The following MCUB variants were observed in gnomAD, a reference collection of about 807,000 sequenced individuals.
MCUB encodes mitochondrial calcium uniporter dominant negative subunit beta, also known as calcium uniporter regulatory subunit MCUb, mitochondrial.
Under a neutral mutation model 41.4 loss-of-function variants are expected in MCUB, and 46 were observed. The observed-to-expected ratio is 1.11, with a 90% CI of 0.88 to 1.42. The LOEUF is 1.42. Ranked by LOEUF, MCUB falls within the 40% of genes most tolerant of loss-of-function variation. The pLI is 0.00. For synonymous variants in MCUB, 148 were observed against 148.2 expected (o/e 1.00, Z 0.01); for missense variants, 403 against 404.9 (o/e 1.00, Z 0.04).
chr4:109,566,390 A>G (rs1404068512), intron 1 of MCUB, among the ~76,000 whole-genome samples: 1 of 151,318 alleles, frequency 6.6e-6, no homozygotes, highest in Non-Finnish European at 1.5e-5. Context: ...GAATGACATG[A>G]ACCCGGGAGG....
intron 5 of MCUB, among the ~76,000 whole-genome samples, chr4:109,684,055 TTCC>T (rs1031688508): frequency 4.0e-5 from 6 of 149,608 alleles, no homozygotes; most frequent in Non-Finnish European, 7.4e-5. Flanking sequence ...TGTTCAAGAG[TTCC>T]TCTTTTCTTT....
At chr4:109,561,599 T>A (rs1579038190) in intron 1 of MCUB, among the ~76,000 whole-genome samples, 1 of 152,226 alleles carries the variant, frequency 6.6e-6, no homozygotes, top group Admixed American at 6.5e-5. Context: ...GGTAGACTTA[T>A]AAAGTCATTG....
At chr4:109,679,510 G>A (rs1372755498) in intron 4 of MCUB, among the ~76,000 whole-genome samples, 1 of 152,160 alleles carries the variant, frequency 6.6e-6, no homozygotes, top group East Asian at 1.9e-4. Flanking sequence ...GTCAGGAGTG[G>A]CAGCACGTGC....
At chr4:109,563,979 C>T (rs1235209871) in intron 1 of MCUB, among the ~76,000 whole-genome samples, 2 of 152,174 alleles carry the variant, frequency 1.3e-5, no homozygotes, top group Non-Finnish European at 2.9e-5. Context: ...TCAGGAAGAA[C>T]TCATATTTGT....
chr4:109,666,443 A>G (rs116560841), intron 4 of MCUB, among the ~76,000 whole-genome samples: 3,822 of 152,272 alleles, frequency 0.025, 143 homozygotes, highest in African/African-American at 0.088. Flanking sequence ...CTGTTGCCCC[A>G]TATCCTTGCC....
intron 1 of MCUB, among the ~76,000 whole-genome samples, chr4:109,600,135 T>C (rs926774556): frequency 2.6e-5 from 4 of 152,220 alleles, no homozygotes; most frequent in Admixed American, 2.6e-4. Flanking sequence ...CTGTTGGAAA[T>C]ATAGGTTTTT....
intron 1 of MCUB, among the ~76,000 whole-genome samples, chr4:109,639,610 C>G (rs918529750): frequency 6.6e-6 from 1 of 152,110 alleles, no homozygotes; most frequent in Non-Finnish European, 1.5e-5. Flanking sequence ...TCGCTTGAAC[C>G]TGGGAGGTAG....
Position 109,603,865 on chromosome 4 carries a change from C to T in MCUB, c.99+43429C>T, listed in dbSNP as rs927214370. On this transcript the variant is annotated intron_variant, in intron 1 of 7. Transcript: ENST00000394650. The stretch of plus-strand genomic sequence containing the variant: ...GAAGTGAGGAGCCTCTCTGCCCGGC[C>T]GCCACCCCGTCTGGGAGGTGTACCC... Among the ~76,000 whole-genome samples, 6 of 152,152 alleles carry T rather than the reference C, an allele frequency of 3.9e-5. No homozygotes were observed. In the East Asian group the frequency reaches 5.8e-4, roughly 15 times the overall value.
chr4:109,673,815 C>A (rs755972735), intron 4 of MCUB: 2 of 709,954 alleles, frequency 2.8e-6, no homozygotes, highest in South Asian at 1.6e-5. Flanking sequence ...GGTTTTTTCG[C>A]TCTAGGGAGA....
chr4:109,674,539 T>A (rs879589858), intron 4 of MCUB, among the ~76,000 whole-genome samples: 2 of 152,242 alleles, frequency 1.3e-5, no homozygotes, highest in Admixed American at 1.3e-4. Context: ...GCGTGTTTTG[T>A]GGACTGGCTG....
At chr4:109,619,355 A>G (rs1431010598) in intron 1 of MCUB, among the ~76,000 whole-genome samples, 1 of 152,026 alleles carries the variant, frequency 6.6e-6, no homozygotes, top group Non-Finnish European at 1.5e-5. Flanking sequence ...CTGGGAATAC[A>G]GGTGTGAGCC....
At chr4:109,621,818 T>TA (rs368383834) in intron 1 of MCUB, among the ~76,000 whole-genome samples, 61 of 152,326 alleles carry the variant, frequency 4.0e-4, no homozygotes, top group African/African-American at 1.4e-3. Context: ...CTAGTGTACT[T>TA]ACACCTCTGT....
At chr4:109,568,441 C>T (rs1726832379) in intron 1 of MCUB, among the ~76,000 whole-genome samples, 1 of 152,150 alleles carries the variant, frequency 6.6e-6, no homozygotes, top group South Asian at 2.1e-4. Context: ...GCTAATTCCT[C>T]TTCTTCTTGT....
rs925264996 is a variant in MCUB at position 109,583,194 on chromosome 4, G to T, written c.99+22758G>T. ...ATGATACTGATTCTTCCTATCCATG[G>T]GCATGGAATATTCTTCCATTTGTTT... On this transcript the variant is annotated intron_variant, in intron 1 of 7. Coordinates refer to ENST00000394650, the MANE Select transcript of MCUB (RefSeq NM_017918.5). Among the ~76,000 whole-genome samples, 9 of 152,068 alleles carry T rather than the reference G, an allele frequency of 5.9e-5. No individual in the cohort carries two copies. In the East Asian group the frequency reaches 1.7e-3, roughly 29 times the overall value.
At chr4:109,598,628 G>GA (rs1232794100) in intron 1 of MCUB, among the ~76,000 whole-genome samples, 1 of 152,014 alleles carries the variant, frequency 6.6e-6, no homozygotes, top group Non-Finnish European at 1.5e-5. Flanking sequence ...GGGAGAGGGA[G>GA]AGGGAGAGGG....
At chr4:109,635,162 A>G (rs1015902984) in intron 1 of MCUB, among the ~76,000 whole-genome samples, 2 of 152,126 alleles carry the variant, frequency 1.3e-5, no homozygotes, top group Admixed American at 6.6e-5. Flanking sequence ...ATAGTATTTC[A>G]TGGTATATAT....
intron 4 of MCUB, among the ~76,000 whole-genome samples, chr4:109,667,468 T>C (rs1036559505): frequency 5.3e-5 from 8 of 152,058 alleles, no homozygotes; most frequent in African/African-American, 1.9e-4. Context: ...ACTTGTTGTC[T>C]CTTTTTTTCT....
intron 1 of MCUB, among the ~76,000 whole-genome samples, chr4:109,634,500 A>T (rs935301147): frequency 2.6e-5 from 4 of 151,792 alleles, no homozygotes; most frequent in African/African-American, 9.7e-5. Flanking sequence ...AAAAAAAAAA[A>T]AAAGAAGTGT....
At chr4:109,573,867 ATTTT>A (rs70954166) in intron 1 of MCUB, among the ~76,000 whole-genome samples, 38 of 112,508 alleles carry the variant, frequency 3.4e-4, no homozygotes, top group African/African-American at 1.1e-3. Context: ...AAAGGGTTGA[ATTTT>A]TTTTTTTTTT....
Sources: gnomAD v4.1 joint callset for allele counts (sites outside exome capture counted in the v4.1 genomes callset) on GRCh38, gnomAD v4.1.1 for gene constraint, MANE v1.5 for transcripts, NCBI Gene and HGNC (gene_info 2026-07-23, HGNC 2026-07-21) for gene names.